Variants in PARN observed in about 807,000 individuals in gnomAD.
PARN encodes poly(A)-specific ribonuclease, also known as poly(A)-specific ribonuclease PARN.
Under a neutral mutation model 102.8 loss-of-function variants are expected in PARN, and 71 were observed. The ratio of observed to expected loss-of-function variants is 0.69; its 90% confidence interval spans 0.57 to 0.84. The LOEUF is 0.84. Among genes scored for constraint, PARN ranks in the 40% least tolerant of loss-of-function variants. PARN has a pLI of 0.00. For synonymous variants in PARN, 261 were observed against 252.9 expected (o/e 1.03, Z -0.30); for missense variants, 782 against 760.9 (o/e 1.03, Z -0.33).
At chr16:14,519,006 C>G (rs1038188341) in intron 21 of PARN, among the ~76,000 whole-genome samples, 2 of 151,908 alleles carry the variant, frequency 1.3e-5, no homozygotes, top group Non-Finnish European at 2.9e-5. Flanking sequence ...ATTATTAAAT[C>G]GGTGGCGAAT....
intron 21 of PARN, among the ~76,000 whole-genome samples, chr16:14,531,682 T>C (rs1966337665): frequency 6.6e-6 from 1 of 152,144 alleles, no homozygotes; most frequent in African/African-American, 2.4e-5. Flanking sequence ...TGTGCTACCA[T>C]GCCATCCTAC....
chr16:14,550,669 C>CAT (rs1368090471), intron 21 of PARN, among the ~76,000 whole-genome samples: 1 of 152,170 alleles, frequency 6.6e-6, no homozygotes, highest in Non-Finnish European at 1.5e-5. Context: ...CAGAAATTTT[C>CAT]ATATATAATT....
chr16:14,481,309 G>A (rs143709625), intron 22 of PARN, among the ~76,000 whole-genome samples: 1 of 152,266 alleles, frequency 6.6e-6, no homozygotes, highest in Non-Finnish European at 1.5e-5. Flanking sequence ...TTAAAAAACT[G>A]CTGAGATGCA....
At chr16:14,622,040 A>G (rs1972337168) in intron 5 of PARN, among the ~76,000 whole-genome samples, 1 of 151,830 alleles carries the variant, frequency 6.6e-6, no homozygotes, top group Admixed American at 6.6e-5. Context: ...TAAAAATACA[A>G]AAATTAGCCA....
rs1310299347 is a variant in PARN, at chr16:14,520,375, TTAAGA to T, written c.1480+31641_1480+31645del. On this transcript the variant is annotated intron_variant, in intron 21 of 23. Transcript: ENST00000437198. The stretch of plus-strand genomic sequence containing the variant: ...AACAGTCTATCAATAGTTTATCATT[TTAAGA>T]TATTAATGATTTATTTTTTAGGAGC... 9.2e-5 allele frequency among the ~76,000 whole-genome samples: 14 copies of T among 152,294 alleles called. No homozygotes were observed. In the South Asian group the frequency reaches 2.9e-3, roughly 32 times the overall value.
intron 21 of PARN, among the ~76,000 whole-genome samples, chr16:14,494,749 G>A (rs1012842938): frequency 1.3e-5 from 2 of 152,226 alleles, no homozygotes; most frequent in Non-Finnish European, 2.9e-5. Context: ...AGATCAGCAG[G>A]ACGCCAGGGT....
chr16:14,497,539 G>T (rs895919428), intron 21 of PARN, among the ~76,000 whole-genome samples: 2 of 152,196 alleles, frequency 1.3e-5, no homozygotes, highest in African/African-American at 4.8e-5. Flanking sequence ...TTGGCAACTT[G>T]TTGGGCTGTT....
rs1262081149 is a variant in PARN, at chr16:14,588,051, T to C, written c.919-1690A>G. On this transcript the variant is annotated intron_variant, in intron 13 of 23. Coordinates refer to ENST00000437198, the MANE Select transcript of PARN (RefSeq NM_002582.4). ...AATACAAGACAAAATTTATGTAACA[T>C]AGAGATGTACAATGTTCTGTGGGAG... 3.3e-5 allele frequency among the ~76,000 whole-genome samples: 5 copies of C among 152,088 alleles called. No homozygotes were observed. The East Asian group carries it at 5.8e-4, about 18-fold the overall frequency.
Position 14,440,938 on chromosome 16 carries a change from T to C in PARN, c.1865-4166A>G, listed in dbSNP as rs1446182476. Reference sequence around the variant, plus strand: ...TATATCGTGATCATAGTGGTGGTTATATGACTGTACACAGATGTCAAAGCT... The same window carrying C: ...TATATCGTGATCATAGTGGTGGTTACATGACTGTACACAGATGTCAAAGCT... On this transcript the variant is annotated intron_variant, in intron 23 of 23. Transcript: ENST00000437198. 2.6e-5 allele frequency among the ~76,000 whole-genome samples: 4 copies of C among 152,184 alleles called. No homozygotes were observed. The South Asian group carries it at 8.3e-4, about 32-fold the overall frequency.
intron 7 of PARN, among the ~76,000 whole-genome samples, chr16:14,609,955 T>C (rs1401808334): frequency 6.6e-6 from 1 of 152,226 alleles, no homozygotes; most frequent in Non-Finnish European, 1.5e-5. Flanking sequence ...CTCACGCCTG[T>C]AATCCCAGCG....
intron 21 of PARN, among the ~76,000 whole-genome samples, chr16:14,504,844 G>C (rs1964805734): frequency 6.6e-6 from 1 of 152,102 alleles, no homozygotes; most frequent in African/African-American, 2.4e-5. Flanking sequence ...TTTCATATGG[G>C]TATTTTCCTA....
chr16:14,529,755 T>C (rs1349280684), intron 21 of PARN, among the ~76,000 whole-genome samples: 1 of 152,134 alleles, frequency 6.6e-6, no homozygotes, highest in African/African-American at 2.4e-5. Flanking sequence ...AGGACTATCA[T>C]CCTCTTATGG....
chr16:14,439,117 G>A (rs1023899386), intron 23 of PARN, among the ~76,000 whole-genome samples: 3 of 152,162 alleles, frequency 2.0e-5, no homozygotes, highest in African/African-American at 7.2e-5. Flanking sequence ...GCTCATGCCT[G>A]TAATCCCAGT....
chr16:14,581,939 C>T (rs1969557411), intron 17 of PARN, among the ~76,000 whole-genome samples: 1 of 152,198 alleles, frequency 6.6e-6, no homozygotes, highest in African/African-American at 2.4e-5. Context: ...GCTCTCTCTG[C>T]TCTCCACCAC....
intron 17 of PARN, among the ~76,000 whole-genome samples, chr16:14,581,630 G>A (rs1027703716): frequency 2.0e-5 from 3 of 152,096 alleles, no homozygotes; most frequent in African/African-American, 4.8e-5. Context: ...TTATAAGAAG[G>A]GTCAGGAGGC....
At chr16:14,447,189 CA>C in intron 22 of PARN, 108 bp from the exon 23 acceptor site, 2 of 639,862 alleles carry the variant, frequency 3.1e-6, no homozygotes, top group Non-Finnish European at 4.9e-6. Context: ...AGCCAGCCAT[CA>C]ACAACATGGG....
At chr16:14,517,918 C>T (rs1345073916) in intron 21 of PARN, among the ~76,000 whole-genome samples, 1 of 151,950 alleles carries the variant, frequency 6.6e-6, no homozygotes, top group African/African-American at 2.4e-5. Flanking sequence ...TGATCCACTT[C>T]GGCCTCCCAA....
chr16:14,533,343 C>T (rs1284419632), intron 21 of PARN, among the ~76,000 whole-genome samples: 2 of 151,614 alleles, frequency 1.3e-5, no homozygotes, highest in East Asian at 2.0e-4. Flanking sequence ...TGCAGTGAGC[C>T]GAGATGGCAG....
intron 18 of PARN, among the ~76,000 whole-genome samples, chr16:14,575,007 G>A (rs1404111554): frequency 6.6e-6 from 1 of 152,214 alleles, no homozygotes; most frequent in African/African-American, 2.4e-5. Flanking sequence ...CAACTTCCAT[G>A]CAGCATTGAG....
Sources: allele counts gnomAD v4.1 joint callset (sites outside exome capture counted in the v4.1 genomes callset), GRCh38; gene constraint gnomAD v4.1.1; transcripts MANE v1.5; gene names NCBI Gene and HGNC (gene_info 2026-07-23, HGNC 2026-07-21).